Variants in MAFK observed in about 807,000 individuals in gnomAD.
MAFK encodes the protein MAF bZIP transcription factor K.
In MAFK, 1 loss-of-function variant was observed where a neutral mutation model predicts 9.2. The observed-to-expected ratio is 0.11, with a 90% CI of 0.04 to 0.52. The LOEUF is 0.52. Ranked by LOEUF, MAFK falls within the 20% of genes least tolerant of loss-of-function variation. The probability of loss-of-function intolerance (pLI) is 0.94; values close to 1 mark genes in which losing one functional copy is unlikely to be tolerated. For synonymous variants in MAFK, 110 were observed against 107.4 expected (o/e 1.02, Z -0.15); for missense variants, 207 against 236.0 (o/e 0.88, Z 0.81).
chr7:1,531,217 C>T (rs1783897023), intron 1 of MAFK, among the ~76,000 whole-genome samples: 1 of 147,704 alleles, frequency 6.8e-6, no homozygotes, highest in African/African-American at 2.5e-5. Flanking sequence ...AGGATCCACG[C>T]GGGTCGGCGG....
rs568725795 is a variant in MAFK at position 1,535,726 on chromosome 7, G to A, written c.-44-3423G>A. 2.2e-4 allele frequency among the ~76,000 whole-genome samples: 34 copies of A among 152,386 alleles called. No individual in the cohort carries two copies. In the South Asian group the frequency reaches 6.8e-3, roughly 31 times the overall value. On this transcript the variant is annotated intron_variant, in intron 1 of 2. Coordinates refer to ENST00000343242, the MANE Select transcript of MAFK (RefSeq NM_002360.4). ...GCCTGGGGATCACCTGCTCCTGAAA[G>A]CACAGTTCTGGACGACTGACCCTGG...
In MAFK at chr7:1,542,703, CTT is replaced by C. The variant is rs892518020; in HGVS notation, c.*2330_*2331del. On this transcript the variant is annotated 3_prime_UTR_variant, in exon 3 of 3. Coordinates refer to ENST00000343242, the MANE Select transcript of MAFK (RefSeq NM_002360.4). ...TTATTTAAGAAAAAGACGAGGGACT[CTT>C]TGTCACGTGGGTTTGTTTTCTGTCT... is the stretch of plus-strand genomic sequence containing the variant. 1 of 152,540 alleles carries C rather than the reference CTT, an allele frequency of 6.6e-6. No homozygotes were observed. Among genetic ancestry groups the C allele is most frequent in the African/African-American group, 2.4e-5 (1 of 41,474 alleles). The allele number at this position is 152,540 out of a possible 1,614,324, so 9.4% of individuals were successfully genotyped here. A position where few individuals can be genotyped will look rare whatever the true frequency, so the allele number is the denominator to read the frequency against.
intron 1 of MAFK, among the ~76,000 whole-genome samples, chr7:1,536,648 TCTGAATGTCCTTCCAAAAGCAAG>T (rs1340969673): frequency 1.3e-5 from 2 of 152,266 alleles, no homozygotes; most frequent in Non-Finnish European, 2.9e-5. Context: ...AAAACTCTTC[TCTGAATGTCCTTCCAAAAGCAAG>T]CTGTCATCTT....
chr7:1,539,531 AGCGTGGCC>A (rs1432676896), intron 2 of MAFK, among the ~76,000 whole-genome samples: 1 of 11,626 alleles, frequency 8.6e-5, no homozygotes, highest in African/African-American at 3.7e-3. Flanking sequence ...AGGCGTGGGC[AGCGTGGCC>A]AGCGTGGCCT....
In MAFK at chr7:1,540,798, C is replaced by T. The variant is rs1052877452; in HGVS notation, c.*423C>T. ...TTCCACTCCTGCTGTAAGCAGCCTT[C>T]GACACCTGTCCTGCCACGGCCTCCC... On this transcript the variant is annotated 3_prime_UTR_variant, in exon 3 of 3. Coordinates refer to ENST00000343242, the MANE Select transcript of MAFK (RefSeq NM_002360.4). 1.9e-4 allele frequency: 32 copies of T among 167,268 alleles called. No individual in the cohort carries two copies. Among genetic ancestry groups the T allele is most frequent in the African/African-American group, 6.2e-4 (26 of 41,780 alleles). 10.4% of individuals were successfully genotyped at this position (167,268 alleles called of 1,614,324 possible). A position where few individuals can be genotyped will look rare whatever the true frequency, so the allele number is the denominator to read the frequency against.
rs1783926738 is a variant in MAFK, at chr7:1,532,473, T to C, written c.-45+1575T>C. 6.6e-6 allele frequency among the ~76,000 whole-genome samples: 1 copy of C among 152,240 alleles called. No individual in the cohort carries two copies. Among genetic ancestry groups the C allele is most frequent in the Non-Finnish European group, 1.5e-5 (1 of 68,046 alleles). ...TCATTATTCCAAAATAAGACATTTATTAAAGCAGAAAAACCAGGCTTCTCC... is the reference window on the plus strand; with the variant it reads ...TCATTATTCCAAAATAAGACATTTACTAAAGCAGAAAAACCAGGCTTCTCC... On this transcript the variant is annotated intron_variant, in intron 1 of 2. Coordinates refer to ENST00000343242, the MANE Select transcript of MAFK (RefSeq NM_002360.4). The surrounding 1 kb of genome is among the most constrained non-coding windows in gnomAD (Gnocchi z 4.5).
intron 1 of MAFK, among the ~76,000 whole-genome samples, chr7:1,533,891 A>G (rs919324197): frequency 1.3e-5 from 2 of 151,964 alleles, no homozygotes; most frequent in African/African-American, 4.8e-5. Context: ...CAGGATGCTG[A>G]TGGGGAGCTG....
In MAFK at chr7:1,539,943, C is replaced by A; in HGVS notation, c.39C>A (p.Val13=). Residue 13 remains valine, a splice_region_variant and synonymous_variant, in exon 3 of 3, where the codon GTC becomes GTA. Coordinates refer to ENST00000343242, the MANE Select transcript of MAFK (RefSeq NM_002360.4). ...GACCCCGCACTGTGGCCCCCCAGGT[C>A]AAGAAGGAGGCGGGCGAGAACGCCC... ...TNPKPNKALK[V]KKEAGENAPV... 1 of 1,524,988 alleles carries A rather than the reference C, an allele frequency of 6.6e-7. No homozygotes were observed. Among genetic ancestry groups the A allele is most frequent in the South Asian group, 1.2e-5 (1 of 81,196 alleles). The allele number at this position is 1,524,988 out of a possible 1,614,324, so 94.5% of individuals were successfully genotyped here.
Position 1,532,216 on chromosome 7 carries a change from G to T in MAFK, c.-45+1318G>T, listed in dbSNP as rs1783922332. 6.6e-6 allele frequency among the ~76,000 whole-genome samples: 1 copy of T among 152,218 alleles called. No homozygotes were observed. The highest frequency in any genetic ancestry group is 1.5e-5 in the Non-Finnish European group (1 of 68,044). On this transcript the variant is annotated intron_variant, in intron 1 of 2. Transcript: ENST00000343242. The surrounding 1 kb of genome is among the most constrained non-coding windows in gnomAD (Gnocchi z 4.5). ...TAAGGGGTTCTCCAACACAGAGTGG[G>T]GTGCCCTATGCAGCTTCTCCAAACC...
In MAFK at chr7:1,541,460, T is replaced by A. The variant is rs1562549005; in HGVS notation, c.*1085T>A. 6.5e-6 allele frequency: 1 copy of A among 152,878 alleles called. No homozygotes were observed. Among genetic ancestry groups the A allele is most frequent in the Non-Finnish European group, 1.5e-5 (1 of 68,464 alleles). The allele number at this position is 152,878 out of a possible 1,614,324, so 9.5% of individuals were successfully genotyped here. ...GAGGTGGAAGGAGGAGGACGTTGCGTGGAGTGGTGGGAGGAGGCGGGAGCC... is the reference window on the plus strand; with the variant it reads ...GAGGTGGAAGGAGGAGGACGTTGCGAGGAGTGGTGGGAGGAGGCGGGAGCC... On this transcript the variant is annotated 3_prime_UTR_variant, in exon 3 of 3. Coordinates refer to ENST00000343242, the MANE Select transcript of MAFK (RefSeq NM_002360.4).
chr7:1,539,639 G>T (rs1414103523), intron 2 of MAFK, among the ~76,000 whole-genome samples: 1 of 152,232 alleles, frequency 6.6e-6, no homozygotes, highest in East Asian at 1.9e-4. Context: ...CTGTGGGCCG[G>T]CTCAGTCCCA....
At position 1,541,109 on chromosome 7, in the gene MAFK, G is replaced by C. The variant is rs1784174755; in HGVS notation, c.*734G>C. 6.5e-6 allele frequency: 1 copy of C among 153,074 alleles called. No homozygotes were observed. Among genetic ancestry groups the C allele is most frequent in the Admixed American group, 6.5e-5 (1 of 15,288 alleles). The allele number at this position is 153,074 out of a possible 1,614,324, so 9.5% of individuals were successfully genotyped here. A position where few individuals can be genotyped will look rare whatever the true frequency, so the allele number is the denominator to read the frequency against. ...GGCCTGTGGGCACACATGGCAGAGAGAGTGGCTCACACGTCGTGAGGTCTC... is the reference window on the plus strand; with the variant it reads ...GGCCTGTGGGCACACATGGCAGAGACAGTGGCTCACACGTCGTGAGGTCTC... On this transcript the variant is annotated 3_prime_UTR_variant, in exon 3 of 3. Transcript: ENST00000343242.
At chr7:1,535,171 G>A (rs1025265275) in intron 1 of MAFK, among the ~76,000 whole-genome samples, 2 of 138,232 alleles carry the variant, frequency 1.4e-5, no homozygotes, top group Non-Finnish European at 3.0e-5. Flanking sequence ...TTCGGCCTCC[G>A]GAGGCGTTGC....
rs1208085866 is a variant in MAFK, at chr7:1,534,569, T to A, written c.-45+3671T>A. 1 of 456,298 alleles carries A rather than the reference T, an allele frequency of 2.2e-6. No homozygotes were observed. The highest frequency in any genetic ancestry group is 4.4e-6 in the Non-Finnish European group (1 of 226,906). The allele number at this position is 456,298 out of a possible 1,614,324, so 28.3% of individuals were successfully genotyped here. On this transcript the variant is annotated intron_variant, in intron 1 of 2. Transcript: ENST00000343242. This position sits in a 1 kb window ranked among gnomAD's most constrained non-coding sequence, Gnocchi z 4.3. ...TCCCGTCCTCCGTTCCTGGTCTTCC[T>A]CCTGCCCCTCCTCCCTCTCCCGCAT...
At position 1,530,766 on chromosome 7, in the gene MAFK, T is replaced by A. The variant is rs1200981226; in HGVS notation, c.-177T>A. On this transcript the variant is annotated 5_prime_UTR_variant, in exon 1 of 3. It introduces an in-frame stop codon into an upstream open reading frame of the 5' UTR. Coordinates refer to ENST00000343242, the MANE Select transcript of MAFK (RefSeq NM_002360.4). Reference sequence around the variant, plus strand: ...GCGGGCGGCGCGGGGGCACTTGTTGTTCTTCGCGAAGTCGGAGCCCGAGCG... The same window carrying A: ...GCGGGCGGCGCGGGGGCACTTGTTGATCTTCGCGAAGTCGGAGCCCGAGCG... 1 of 148,566 alleles carries A rather than the reference T, an allele frequency of 6.7e-6. No homozygotes were observed. The highest frequency in any genetic ancestry group is 2.0e-4 in the East Asian group (1 of 5,028). 9.2% of individuals were successfully genotyped at this position (148,566 alleles called of 1,614,324 possible). A position where few individuals can be genotyped will look rare whatever the true frequency, so the allele number is the denominator to read the frequency against.
rs1314543450 is a variant in MAFK at position 1,530,703 on chromosome 7, T to G, written c.-240T>G. ...CGCGCCGCGGATCCCGGAAGCGGTGTCAGATGCTGGGGAGCCGGGCGGGCG... is the reference window on the plus strand; with the variant it reads ...CGCGCCGCGGATCCCGGAAGCGGTGGCAGATGCTGGGGAGCCGGGCGGGCG... On this transcript the variant is annotated 5_prime_UTR_variant, in exon 1 of 3. Transcript: ENST00000343242. The G allele has an allele frequency of 6.8e-6, 1 of 147,946 alleles. No individual in the cohort carries two copies. The highest frequency in any genetic ancestry group is 1.5e-5 in the Non-Finnish European group (1 of 66,348). 9.2% of individuals were successfully genotyped at this position (147,946 alleles called of 1,614,324 possible).
intron 1 of MAFK, chr7:1,538,468 C>A: frequency 1.2e-5 from 2 of 161,062 alleles, no homozygotes; most frequent in East Asian, 2.6e-4. Flanking sequence ...GTAGGTGTCC[C>A]GTGGCCTGTG....
chr7:1,536,951 C>T (rs1157751099), intron 1 of MAFK, among the ~76,000 whole-genome samples: 3 of 152,202 alleles, frequency 2.0e-5, no homozygotes, highest in Non-Finnish European at 4.4e-5. Flanking sequence ...GCCCTGCGTC[C>T]GCCAGGTCCT....
chr7:1,534,867 T>C lies in MAFK; in HGVS notation c.-45+3969T>C, dbSNP rs913240882. On this transcript the variant is annotated intron_variant, in intron 1 of 2. Transcript: ENST00000343242. This position sits in a 1 kb window ranked among gnomAD's most constrained non-coding sequence, Gnocchi z 4.3. ...CAGCCGGGACCGTTCAGAGGGGTCA[T>C]CCAGCCGTCAGCTGCTCAACTCACT... is the stretch of plus-strand genomic sequence containing the variant. 3 of 310,726 alleles carry C rather than the reference T, an allele frequency of 9.7e-6. No homozygotes were observed. The highest frequency in any genetic ancestry group is 2.0e-5 in the Non-Finnish European group (3 of 152,782). The allele number at this position is 310,726 out of a possible 1,614,324, so 19.2% of individuals were successfully genotyped here.
Sources: gnomAD v4.1 joint callset for allele counts (sites outside exome capture counted in the v4.1 genomes callset) on GRCh38, gnomAD v4.1.1 for gene constraint, Gnocchi (gnomAD v3.1) non-coding constraint, MANE v1.5 for transcripts, NCBI Gene and HGNC (gene_info 2026-07-23, HGNC 2026-07-21) for gene names.